Variants in SH3KBP1 observed in about 807,000 individuals in gnomAD.
SH3KBP1 encodes SH3 domain containing kinase binding protein 1.
In SH3KBP1, 8 loss-of-function variants were observed where a neutral mutation model predicts 50.1. The observed-to-expected ratio is 0.16, with a 90% CI of 0.09 to 0.29. SH3KBP1 has a LOEUF of 0.29. SH3KBP1 is among the 10% of genes least tolerant of loss of function. The pLI, the probability that SH3KBP1 is intolerant of heterozygous loss-of-function variation, is 1.00. For missense variants in SH3KBP1, 377 were observed against 535.2 expected (o/e 0.70, Z 2.92); for synonymous variants, 227 against 218.6 (o/e 1.04, Z -0.34).
chrX:19,680,424 G>A (rs1242097563), intron 6 of SH3KBP1, among the ~76,000 whole-genome samples: 2 of 103,937 alleles, frequency 1.9e-5, no homozygotes, highest in East Asian at 5.9e-4. Context: ...TGAACGAAAA[G>A]TATAATATGA....
rs960063318 is a variant in SH3KBP1, at chrX:19,586,614, T to A, written c.1298+2029A>T. Among the ~76,000 whole-genome samples, 3 of 111,700 alleles carry A rather than the reference T, an allele frequency of 2.7e-5. 1 individual carries two copies. The highest frequency in any genetic ancestry group is 5.6e-5 in the Non-Finnish European group (3 of 53,123). On this transcript the variant is annotated intron_variant, in intron 12 of 17. Transcript: ENST00000397821. ...AGAACCTTCTATTGCCAGTTCATAG[T>A]AGAGGGTGGAACATGGAGAGGCCTC...
chrX:19,589,362 G>A (rs528505957), intron 11 of SH3KBP1, among the ~76,000 whole-genome samples: 2 of 111,615 alleles, frequency 1.8e-5, no homozygotes, highest in African/African-American at 6.5e-5. Flanking sequence ...TGCTGGGTAT[G>A]GGAAGGAAAG....
intron 7 of SH3KBP1, among the ~76,000 whole-genome samples, chrX:19,642,698 C>G (rs1261234239): frequency 1.8e-5 from 2 of 111,776 alleles, no homozygotes; most frequent in Non-Finnish European, 3.8e-5. Flanking sequence ...GGAGGAACCT[C>G]AGGGCACTTC....
At chrX:19,833,265 GT>G (rs1234314838) in intron 2 of SH3KBP1, among the ~76,000 whole-genome samples, 1 of 91,154 alleles carries the variant, frequency 1.1e-5, no homozygotes, top group African/African-American at 4.2e-5. Context: ...CCTTCCCAGG[GT>G]CCCCCTACCT....
chrX:19,820,206 AAAC>A (rs761982746), intron 2 of SH3KBP1, among the ~76,000 whole-genome samples: 2 of 112,381 alleles, frequency 1.8e-5, no homozygotes, highest in Admixed American at 9.4e-5. Flanking sequence ...GATATTCTGT[AAAC>A]ATCAATTACA....
rs369594813 is a variant in SH3KBP1, at chrX:19,650,758, G to A, written c.727-5283C>T. ...TTATCAAGTGCCCATTCAGTGTGAGGCAGGAAAGTGGGGAAAAAAGGCAGG... is the reference window on the plus strand; with the variant it reads ...TTATCAAGTGCCCATTCAGTGTGAGACAGGAAAGTGGGGAAAAAAGGCAGG... On this transcript the variant is annotated intron_variant, in intron 6 of 17. Coordinates refer to ENST00000397821, the MANE Select transcript of SH3KBP1 (RefSeq NM_031892.3). Among the ~76,000 whole-genome samples the A allele has an allele frequency of 3.6e-5, 4 of 112,023 alleles. No homozygotes were observed. The East Asian group carries it at 1.1e-3, about 31-fold the overall frequency.
intron 7 of SH3KBP1, among the ~76,000 whole-genome samples, chrX:19,640,733 G>A (rs1041145617): frequency 9.0e-6 from 1 of 111,110 alleles, no homozygotes; most frequent in Non-Finnish European, 1.9e-5. Flanking sequence ...AAGGACCATA[G>A]GCTACTCCCT....
intron 3 of SH3KBP1, among the ~76,000 whole-genome samples, chrX:19,737,419 G>T (rs1267056574): frequency 9.0e-6 from 1 of 111,326 alleles, no homozygotes; most frequent in Non-Finnish European, 1.9e-5. Flanking sequence ...ATTCTAAAAA[G>T]GCAGGCTATG....
intron 13 of SH3KBP1, among the ~76,000 whole-genome samples, chrX:19,567,230 A>C (rs2065867120): frequency 9.2e-6 from 1 of 108,700 alleles, no homozygotes; most frequent in Non-Finnish European, 1.9e-5. Context: ...TGTATGATAA[A>C]ATTGCAGGCT....
chrX:19,623,231 A>G (rs1292644245), intron 8 of SH3KBP1, among the ~76,000 whole-genome samples: 1 of 111,390 alleles, frequency 9.0e-6, no homozygotes, highest in African/African-American at 3.3e-5. Flanking sequence ...TTATGTGCAC[A>G]TATGGAAAAA....
chrX:19,762,169 C>T (rs1262049495), intron 2 of SH3KBP1, among the ~76,000 whole-genome samples: 3 of 112,717 alleles, frequency 2.7e-5, no homozygotes, highest in African/African-American at 9.7e-5. Context: ...GGGCGTAGGC[C>T]GAACTAACCT....
At chrX:19,821,243 T>C (rs910910061) in intron 2 of SH3KBP1, among the ~76,000 whole-genome samples, 8 of 110,945 alleles carry the variant, frequency 7.2e-5, no homozygotes, top group Admixed American at 1.9e-4. Context: ...ATACAAAAAT[T>C]AGCCAGGCAT....
chrX:19,643,300 A>ATT (rs201544483), intron 7 of SH3KBP1, among the ~76,000 whole-genome samples: 2,363 of 86,607 alleles, frequency 0.027, 271 homozygotes, highest in African/African-American at 0.066. Flanking sequence ...AAACTGAAGA[A>ATT]TTTTTTATTT....
chrX:19,605,110 A>G (rs57042450), intron 9 of SH3KBP1, among the ~76,000 whole-genome samples: 2,815 of 110,744 alleles, frequency 0.025, 84 homozygotes, highest in African/African-American at 0.088. Flanking sequence ...CTTATGTAAC[A>G]CAGAGCTTCT....
intron 3 of SH3KBP1, among the ~76,000 whole-genome samples, chrX:19,727,690 A>G (rs1052503255): frequency 1.8e-5 from 2 of 112,485 alleles, no homozygotes; most frequent in South Asian, 3.6e-4. Flanking sequence ...ACATGCTTTA[A>G]AAAATATCAC....
chrX:19,549,050 T>G (rs1182722267), intron 14 of SH3KBP1, among the ~76,000 whole-genome samples: 1 of 111,747 alleles, frequency 8.9e-6, no homozygotes, highest in East Asian at 2.8e-4. Context: ...GGAAACAACA[T>G]AAATGCCCAA....
At chrX:19,539,360 C>T (rs190771399) in intron 16 of SH3KBP1, among the ~76,000 whole-genome samples, 1 of 112,231 alleles carries the variant, frequency 8.9e-6, no homozygotes, top group African/African-American at 3.2e-5. Context: ...GCTCTGCTGT[C>T]AACATACTGG....
chrX:19,818,790 AT>A (rs753950025), intron 2 of SH3KBP1, among the ~76,000 whole-genome samples: 1 of 111,437 alleles, frequency 9.0e-6, no homozygotes, highest in African/African-American at 3.3e-5. Flanking sequence ...ATAGTATATA[AT>A]TTTTTTTATA....
intron 8 of SH3KBP1, among the ~76,000 whole-genome samples, chrX:19,609,521 G>A (rs2067345101): frequency 8.9e-6 from 1 of 111,765 alleles, no homozygotes; most frequent in African/African-American, 3.3e-5. Flanking sequence ...AAAAAAACCT[G>A]CTGATAACAC....
Sources: gnomAD v4.1 joint callset for allele counts (sites outside exome capture counted in the v4.1 genomes callset) on GRCh38, gnomAD v4.1.1 for gene constraint, MANE v1.5 for transcripts, NCBI Gene and HGNC (gene_info 2026-07-23, HGNC 2026-07-21) for gene names.